The following ACBD6 variants were observed in gnomAD, a reference collection of about 807,000 sequenced individuals.
ACBD6 encodes the protein acyl-CoA-binding domain-containing protein 6.
In ACBD6, 28 loss-of-function variants were observed where a neutral mutation model predicts 37.2. The observed-to-expected ratio is 0.75, with a 90% CI of 0.56 to 1.03. ACBD6 has a LOEUF of 1.03. Ranked by LOEUF, ACBD6 falls within the 50% of genes least tolerant of loss-of-function variation. The probability of loss-of-function intolerance (pLI) is 0.00; values close to 1 mark genes in which losing one functional copy is unlikely to be tolerated. For missense variants in ACBD6, 340 were observed against 337.4 expected (o/e 1.01, Z -0.06); for synonymous variants, 113 against 126.8 (o/e 0.89, Z 0.73).
chr1:180,383,446 T>G (rs917881145), intron 6 of ACBD6, among the ~76,000 whole-genome samples: 1 of 151,286 alleles, frequency 6.6e-6, no homozygotes, highest in Non-Finnish European at 1.5e-5. Context: ...ACAATAGCTA[T>G]AAAAAAAATA....
chr1:180,305,893 T>C (rs748663225), intron 7 of ACBD6, among the ~76,000 whole-genome samples: 4 of 151,960 alleles, frequency 2.6e-5, no homozygotes, highest in Admixed American at 1.3e-4. Context: ...ATGTGGCACA[T>C]ATACACCATG....
intron 5 of ACBD6, among the ~76,000 whole-genome samples, chr1:180,411,128 C>T (rs1647836983): frequency 6.6e-6 from 1 of 152,152 alleles, no homozygotes; most frequent in South Asian, 2.1e-4. Context: ...GATGGAATTG[C>T]TACAATTTCA....
At chr1:180,418,191 C>T (rs911138373) in intron 4 of ACBD6, among the ~76,000 whole-genome samples, 3 of 152,014 alleles carry the variant, frequency 2.0e-5, no homozygotes, top group African/African-American at 4.8e-5. Context: ...AACAATCATA[C>T]AGGCAGGCAT....
At chr1:180,377,953 A>AATAATAATG (rs1653498539) in intron 6 of ACBD6, among the ~76,000 whole-genome samples, 1 of 110,742 alleles carries the variant, frequency 9.0e-6, no homozygotes, top group Non-Finnish European at 1.7e-5. Context: ...GTCTCAAAAT[A>AATAATAATG]ATAATAATAA....
intron 5 of ACBD6, among the ~76,000 whole-genome samples, chr1:180,400,973 T>A (rs1386690192): frequency 6.6e-6 from 1 of 152,216 alleles, no homozygotes; most frequent in Non-Finnish European, 1.5e-5. Flanking sequence ...GTCTATATAA[T>A]TGTTTTATCT....
intron 3 of ACBD6, among the ~76,000 whole-genome samples, chr1:180,433,519 T>C (rs925680185): frequency 1.3e-5 from 2 of 152,002 alleles, no homozygotes; most frequent in East Asian, 1.9e-4. Context: ...CTTTTCAAGA[T>C]GGTATCCAAG....
intron 7 of ACBD6, among the ~76,000 whole-genome samples, chr1:180,302,371 A>G (rs1030460150): frequency 6.6e-6 from 1 of 152,082 alleles, no homozygotes; most frequent in Non-Finnish European, 1.5e-5. Flanking sequence ...TCATTTAAAA[A>G]AAAACCCTGC....
At chr1:180,427,943 C>G (rs996507476) in intron 4 of ACBD6, among the ~76,000 whole-genome samples, 3 of 149,170 alleles carry the variant, frequency 2.0e-5, no homozygotes, top group African/African-American at 7.4e-5. Flanking sequence ...AACCAAAAAC[C>G]AAAAAACAAC....
chr1:180,320,536 G>A (rs1456964794), intron 6 of ACBD6, among the ~76,000 whole-genome samples: 4 of 152,158 alleles, frequency 2.6e-5, no homozygotes, highest in Admixed American at 6.5e-5. Flanking sequence ...CTACCTGGGA[G>A]GCTGAGGTTG....
rs529732523 is a variant in ACBD6 at position 180,417,363 on chromosome 1, C to T, written c.468-3892G>A. ...CTCTCTCCTTACTATAGTTAGTATA[C>T]TTCAGGAAGTATAACCAAAAGACGG... is the stretch of plus-strand genomic sequence containing the variant. On this transcript the variant is annotated intron_variant, in intron 4 of 7. Transcript: ENST00000367595. Among the ~76,000 whole-genome samples the T allele has an allele frequency of 7.7e-4, 117 of 152,244 alleles. 1 individual carries two copies. Among genetic ancestry groups the T allele is most frequent in the African/African-American group, 2.7e-3 (114 of 41,550 alleles).
intron 6 of ACBD6, among the ~76,000 whole-genome samples, chr1:180,381,767 A>G (rs1653660827): frequency 6.6e-6 from 1 of 152,192 alleles, no homozygotes; most frequent in South Asian, 2.1e-4. Context: ...TCAAAAAAGT[A>G]GAAATATTTC....
intron 7 of ACBD6, among the ~76,000 whole-genome samples, chr1:180,303,819 AC>A (rs1268487038): frequency 1.3e-5 from 2 of 150,766 alleles, no homozygotes; most frequent in Non-Finnish European, 3.0e-5. Flanking sequence ...AGAATTTTAG[AC>A]CAATATCCCT....
intron 7 of ACBD6, among the ~76,000 whole-genome samples, chr1:180,296,078 T>C (rs1046863719): frequency 3.3e-5 from 5 of 152,118 alleles, no homozygotes; most frequent in Admixed American, 6.5e-5. Flanking sequence ...ACTATTCCAG[T>C]GAACATACAA....
exon 14 of ACBD6, chr1:180,271,333 C>G (rs757667675): frequency 6.2e-7 from 1 of 1,610,040 alleles, no homozygotes; most frequent in Non-Finnish European, 8.5e-7. Context: ...GGAGGCGCAG[C>G]TGCTGCAGAT....
intron 6 of ACBD6, among the ~76,000 whole-genome samples, chr1:180,389,250 A>T (rs777116608): frequency 1.5e-4 from 23 of 151,782 alleles, no homozygotes; most frequent in Admixed American, 7.2e-4. Flanking sequence ...GAACATGCGG[A>T]GTTTGGTTTT....
intron 7 of ACBD6, among the ~76,000 whole-genome samples, chr1:180,313,642 T>G (rs1650679533): frequency 6.6e-6 from 1 of 152,208 alleles, no homozygotes; most frequent in Non-Finnish European, 1.5e-5. Flanking sequence ...AAAAGGTTGA[T>G]CCATAATGTG....
At chr1:180,462,867 T>C (rs780380777) in intron 3 of ACBD6, among the ~76,000 whole-genome samples, 1 of 152,144 alleles carries the variant, frequency 6.6e-6, no homozygotes, top group African/African-American at 2.4e-5. Context: ...ACTGAAATCA[T>C]AGCAAACAGT....
chr1:180,382,360 C>T (rs932865841), intron 6 of ACBD6, among the ~76,000 whole-genome samples: 1 of 151,672 alleles, frequency 6.6e-6, no homozygotes, highest in Middle Eastern at 3.4e-3. Context: ...AAATCAGAAA[C>T]GAAAAGGAGA....
chr1:180,420,743 T>G (rs935012288), intron 4 of ACBD6, among the ~76,000 whole-genome samples: 3 of 152,206 alleles, frequency 2.0e-5, no homozygotes, highest in African/African-American at 7.2e-5. Flanking sequence ...GGCTTCTTAT[T>G]GTACAACCAA....
Sources: allele counts gnomAD v4.1 joint callset (sites outside exome capture counted in the v4.1 genomes callset), GRCh38; gene constraint gnomAD v4.1.1; transcripts MANE v1.5; gene names NCBI Gene and HGNC (gene_info 2026-07-23, HGNC 2026-07-21).